The following SMARCA4 variants were observed in gnomAD, a reference collection of about 807,000 sequenced individuals.
The protein encoded by SMARCA4 is SWI/SNF-related matrix-associated actin-dependent regulator of chromatin subfamily A member 4.
SMARCA4 carries 31 observed loss-of-function variants against 193.9 expected under a neutral mutation model. The ratio of observed to expected loss-of-function variants is 0.16; its 90% CI spans 0.12 to 0.22. SMARCA4 has a LOEUF of 0.22. Ranked by LOEUF, SMARCA4 falls within the 10% of genes least tolerant of loss-of-function variation. SMARCA4 has a pLI of 1.00. For missense variants in SMARCA4, 1,148 were observed against 2,296.0 expected (o/e 0.50, Z 10.22); for synonymous variants, 942 against 933.1 (o/e 1.01, Z -0.17).
intron 1 of SMARCA4, among the ~76,000 whole-genome samples, chr19:10,963,729 C>T (rs960162153): frequency 6.6e-6 from 1 of 151,906 alleles, no homozygotes; most frequent in Non-Finnish European, 1.5e-5. Flanking sequence ...TGGGAAGCCG[C>T]TAACACACTG....
At chr19:10,973,407 CTTT>C in intron 1 of SMARCA4, among the ~76,000 whole-genome samples, 1 of 143,880 alleles carries the variant, frequency 7.0e-6, no homozygotes. Flanking sequence ...AAGCGGTTTT[CTTT>C]TTTTTTTTTT....
chr19:10,963,388 A>G (rs1009723459), intron 1 of SMARCA4, among the ~76,000 whole-genome samples: 14 of 151,124 alleles, frequency 9.3e-5, no homozygotes, highest in East Asian at 1.9e-4. Flanking sequence ...AAAAAAAAAA[A>G]AAAGAAAAAG....
chr19:11,018,655 C>T (rs2089592628), intron 16 of SMARCA4, among the ~76,000 whole-genome samples: 1 of 152,204 alleles, frequency 6.6e-6, no homozygotes, highest in Non-Finnish European at 1.5e-5. Flanking sequence ...TCCAGGCTTC[C>T]CCAGCCCTGG....
chr19:10,992,947 G>A (rs888395913), intron 8 of SMARCA4, among the ~76,000 whole-genome samples: 1 of 140,870 alleles, frequency 7.1e-6, no homozygotes, highest in Admixed American at 7.1e-5. Context: ...TTAATACAAG[G>A]TTAAATAGCC....
At chr19:11,005,703 C>T (rs1377269897) in intron 13 of SMARCA4, among the ~76,000 whole-genome samples, 1 of 152,206 alleles carries the variant, frequency 6.6e-6, no homozygotes, top group East Asian at 1.9e-4. Flanking sequence ...AGCCTCATGG[C>T]CTGCAGCTCT....
intron 11 of SMARCA4, among the ~76,000 whole-genome samples, chr19:11,001,570 T>C (rs534191543): frequency 5.3e-5 from 8 of 152,294 alleles, no homozygotes; most frequent in African/African-American, 1.9e-4. Flanking sequence ...CTTTGACTGC[T>C]CCTCCCAGTG....
rs1276404329 is a variant in SMARCA4, at chr19:11,031,327, T to C, written c.3546+434T>C. ...ACTTCCTCCTCTTGTTCCATAACCA[T>C]GTACCCCTCATGGGCCTCGGCATCG... On this transcript the variant is annotated intron_variant, in intron 25 of 34. Transcript: ENST00000344626. The surrounding 1 kb of genome is among the most constrained non-coding windows in gnomAD (Gnocchi z 4.3). The C allele has an allele frequency of 1.6e-5, 4 of 245,194 alleles. No individual in the cohort carries two copies. Among genetic ancestry groups the C allele is most frequent in the South Asian group, 5.5e-5 (1 of 18,022 alleles). 15.2% of individuals were successfully genotyped at this position (245,194 alleles called of 1,614,324 possible). A position where few individuals can be genotyped will look rare whatever the true frequency, so the allele number is the denominator to read the frequency against.
At chr19:10,989,584 A>AATCACTG in intron 7 of SMARCA4, 141 bp downstream of exon 7, 1 of 923,930 alleles carries the variant, frequency 1.1e-6, no homozygotes, top group Non-Finnish European at 1.7e-6. Context: ...ATGGGCACTC[A>AATCACTG]ATCACTGCAG....
intron 16 of SMARCA4, among the ~76,000 whole-genome samples, chr19:11,016,224 A>T (rs2089346261): frequency 6.6e-6 from 1 of 152,064 alleles, no homozygotes; most frequent in Non-Finnish European, 1.5e-5. Context: ...GAACTCATTC[A>T]TCCCCCATCC....
At chr19:11,009,179 G>A (rs1024609630) in intron 14 of SMARCA4, among the ~76,000 whole-genome samples, 4 of 151,404 alleles carry the variant, frequency 2.6e-5, no homozygotes, top group African/African-American at 7.3e-5. Flanking sequence ...GGGCCACCAC[G>A]TCCAGCTAAT....
Position 10,986,763 on chromosome 19 carries a change from TC to T in SMARCA4, c.761-138del. ...GTGGTGGGGGCAGCTAAATGCTGCT[TC>T]CCCAGCTCCCCGCTTCCCCTGGGGC... is the stretch of plus-strand genomic sequence containing the variant. On this transcript the variant is annotated intron_variant, in intron 4 of 34. Coordinates refer to ENST00000344626, the MANE Select transcript of SMARCA4 (RefSeq NM_003072.5). This position sits in a 1 kb window ranked among gnomAD's most constrained non-coding sequence, Gnocchi z 6.7. The T allele has an allele frequency of 1.7e-6, 2 of 1,198,486 alleles. No individual in the cohort carries two copies. The highest frequency in any genetic ancestry group is 2.4e-6 in the Non-Finnish European group (2 of 837,512). 74.2% of individuals were successfully genotyped at this position (1,198,486 alleles called of 1,614,324 possible).
At chr19:10,966,605 G>C (rs1220117503) in intron 1 of SMARCA4, among the ~76,000 whole-genome samples, 2 of 151,400 alleles carry the variant, frequency 1.3e-5, no homozygotes, top group African/African-American at 2.4e-5. Flanking sequence ...CCGGGGGTTG[G>C]GCTGGGCGCG....
intron 15 of SMARCA4, 136 bp downstream of exon 15, chr19:11,010,667 A>C (rs933683967): frequency 2.4e-6 from 2 of 845,512 alleles, no homozygotes; most frequent in African/African-American, 1.7e-5. Flanking sequence ...TTCCCCTCTG[A>C]GCCTCGGTTT....
intron 1 of SMARCA4, among the ~76,000 whole-genome samples, chr19:10,973,530 A>G (rs2084850447): frequency 6.7e-6 from 1 of 150,256 alleles, no homozygotes; most frequent in Non-Finnish European, 1.5e-5. Flanking sequence ...CCTCCCGAGT[A>G]GCTGGGACTA....
chr19:11,002,225 A>G (rs2087703902), intron 11 of SMARCA4, among the ~76,000 whole-genome samples: 1 of 152,196 alleles, frequency 6.6e-6, no homozygotes, highest in Non-Finnish European at 1.5e-5. Flanking sequence ...TTAAAAAAAT[A>G]AAAATGGGCC....
At chr19:11,025,697 CA>C in intron 22 of SMARCA4, 189 bp downstream of exon 22, 1 of 614,916 alleles carries the variant, frequency 1.6e-6, no homozygotes, top group South Asian at 1.7e-5. Context: ...AGTTAGGGCG[CA>C]ACGTGCGATA....
chr19:11,010,186 G>A (rs544130826), intron 14 of SMARCA4, among the ~76,000 whole-genome samples, 195 bp from the exon 15 acceptor site: 2 of 152,288 alleles, frequency 1.3e-5, no homozygotes, highest in East Asian at 3.9e-4. Flanking sequence ...CAGGAGTCCA[G>A]TCTGGACCCC....
intron 20 of SMARCA4, 143 bp downstream of exon 20, chr19:11,023,774 G>T: frequency 1.4e-6 from 1 of 703,822 alleles, no homozygotes; most frequent in South Asian, 1.5e-5. Flanking sequence ...ACGCCACTGG[G>T]TCTGTAAAGC....
At chr19:11,038,372 T>C (rs1410782528) in intron 29 of SMARCA4, among the ~76,000 whole-genome samples, 1 of 152,096 alleles carries the variant, frequency 6.6e-6, no homozygotes, top group Non-Finnish European at 1.5e-5. Context: ...CATTCCGAGG[T>C]TCCAGGTAGA....
Sources: gnomAD v4.1 joint callset for allele counts (sites outside exome capture counted in the v4.1 genomes callset) on GRCh38, gnomAD v4.1.1 for gene constraint, Gnocchi (gnomAD v3.1) non-coding constraint, MANE v1.5 for transcripts, NCBI Gene and HGNC (gene_info 2026-07-23, HGNC 2026-07-21) for gene names.